The following CTNNA2 variants were observed in gnomAD, a reference collection of about 807,000 sequenced individuals.
CTNNA2 encodes catenin alpha-2.
A neutral mutation model predicts 101.0 loss-of-function variants in CTNNA2; 42 were observed. That is an observed-to-expected ratio of 0.42 (90% CI 0.32 to 0.54). The LOEUF (loss-of-function observed/expected upper bound fraction) is 0.54, where lower values mean the gene tolerates loss of function less well. CTNNA2 is among the 20% of genes least tolerant of loss of function. The probability of loss-of-function intolerance (pLI) is 0.14; values close to 1 mark genes in which losing one functional copy is unlikely to be tolerated. For missense variants in CTNNA2, 871 were observed against 1,223.1 expected (o/e 0.71, Z 4.29); for synonymous variants, 450 against 456.4 (o/e 0.99, Z 0.18).
chr2:79,281,304 T>A (rs985306774), intron 2 of CTNNA2, among the ~76,000 whole-genome samples: 1 of 152,150 alleles, frequency 6.6e-6, no homozygotes, highest in Non-Finnish European at 1.5e-5. Flanking sequence ...CTGGTCCCCA[T>A]GGTGGTGATC....
At chr2:79,309,568 T>C (rs1676320311) in intron 2 of CTNNA2, among the ~76,000 whole-genome samples, 1 of 152,134 alleles carries the variant, frequency 6.6e-6, no homozygotes, top group Non-Finnish European at 1.5e-5. Flanking sequence ...GAAAGAACAA[T>C]AGAAAAATAA....
At chr2:80,218,236 G>C (rs1036410905) in intron 7 of CTNNA2, among the ~76,000 whole-genome samples, 1 of 152,224 alleles carries the variant, frequency 6.6e-6, no homozygotes, top group Admixed American at 6.5e-5. Context: ...TTGGGCTTTG[G>C]AAGGCAAGAA....
At chr2:80,449,464 G>A (rs528644789) in intron 9 of CTNNA2, among the ~76,000 whole-genome samples, 1 of 152,112 alleles carries the variant, frequency 6.6e-6, no homozygotes, top group East Asian at 1.9e-4. Flanking sequence ...GTTGCCTCTG[G>A]CTTTCCTTGT....
chr2:79,830,279 T>A (rs1005452287), intron 3 of CTNNA2, among the ~76,000 whole-genome samples: 2 of 152,092 alleles, frequency 1.3e-5, no homozygotes, highest in African/African-American at 4.8e-5. Flanking sequence ...ACTTTGGACT[T>A]CAGAGAGACA....
At chr2:80,005,134 A>G (rs189191074) in intron 7 of CTNNA2, among the ~76,000 whole-genome samples, 31 of 152,296 alleles carry the variant, frequency 2.0e-4, no homozygotes, top group African/African-American at 7.5e-4. Flanking sequence ...AAAGACTGAG[A>G]AGTGCTGGAT....
chr2:79,250,071 A>G (rs1489144575), intron 2 of CTNNA2, among the ~76,000 whole-genome samples: 1 of 152,180 alleles, frequency 6.6e-6, no homozygotes, highest in Non-Finnish European at 1.5e-5. Flanking sequence ...CTGCACTGGT[A>G]TCAGCCTTGA....
chr2:80,056,702 G>A (rs1697235409), intron 7 of CTNNA2, among the ~76,000 whole-genome samples: 1 of 152,174 alleles, frequency 6.6e-6, no homozygotes, highest in Non-Finnish European at 1.5e-5. Context: ...AATTAGCCAA[G>A]TGTTTAAATG....
At chr2:80,278,032 G>T (rs749618349) in intron 7 of CTNNA2, among the ~76,000 whole-genome samples, 7 of 152,038 alleles carry the variant, frequency 4.6e-5, no homozygotes, top group Non-Finnish European at 7.4e-5. Flanking sequence ...AGTGTGTTTT[G>T]TGACATCAGA....
chr2:80,597,782 C>G (rs932148055), intron 15 of CTNNA2, among the ~76,000 whole-genome samples: 8 of 152,156 alleles, frequency 5.3e-5, no homozygotes, highest in African/African-American at 1.9e-4. Context: ...CCATCTCATG[C>G]CAGTCAGAAT....
At chr2:79,537,336 C>T (rs1197744775) in intron 1 of CTNNA2, among the ~76,000 whole-genome samples, 33 of 152,198 alleles carry the variant, frequency 2.2e-4, no homozygotes, top group Non-Finnish European at 2.9e-5. Context: ...CATTTCTTGT[C>T]TCAGAATGCT....
intron 7 of CTNNA2, among the ~76,000 whole-genome samples, chr2:80,322,289 GT>G (rs1192222546): frequency 9.2e-5 from 14 of 152,248 alleles, no homozygotes; most frequent in African/African-American, 3.1e-4. Flanking sequence ...GTAATACAGT[GT>G]CTTCCCTAAG....
intron 4 of CTNNA2, among the ~76,000 whole-genome samples, chr2:79,443,185 G>A (rs1460713405): frequency 6.6e-6 from 1 of 152,058 alleles, no homozygotes. Flanking sequence ...AAATTATGGA[G>A]GCTGAAAAGT....
At chr2:79,298,314 T>A (rs1676030223) in intron 2 of CTNNA2, among the ~76,000 whole-genome samples, 1 of 152,128 alleles carries the variant, frequency 6.6e-6, no homozygotes, top group Non-Finnish European at 1.5e-5. Context: ...GAGAAAGAGT[T>A]CATTTATTAC....
intron 2 of CTNNA2, among the ~76,000 whole-genome samples, chr2:79,304,642 T>C (rs1676190633): frequency 6.6e-6 from 1 of 152,180 alleles, no homozygotes; most frequent in African/African-American, 2.4e-5. Flanking sequence ...TCTGTTAAAA[T>C]ACATGGCACT....
chr2:80,233,309 A>G (rs909611502), intron 7 of CTNNA2, among the ~76,000 whole-genome samples: 1 of 152,122 alleles, frequency 6.6e-6, no homozygotes, highest in African/African-American at 2.4e-5. Flanking sequence ...GTGAGAAGCA[A>G]TCCCACCGAA....
chr2:79,902,417 A>T (rs920964002), intron 6 of CTNNA2, among the ~76,000 whole-genome samples: 1 of 152,096 alleles, frequency 6.6e-6, no homozygotes, highest in African/African-American at 2.4e-5. Flanking sequence ...GTTATTGGAT[A>T]TTAGGTCTTC....
At chr2:80,402,551 G>A (rs1678650729) in intron 8 of CTNNA2, among the ~76,000 whole-genome samples, 1 of 151,972 alleles carries the variant, frequency 6.6e-6, no homozygotes, top group Non-Finnish European at 1.5e-5. Context: ...AGTGGCTTTA[G>A]AAGCTGTTTC....
intron 7 of CTNNA2, among the ~76,000 whole-genome samples, chr2:79,920,912 T>C (rs1484830898): frequency 2.0e-5 from 3 of 152,184 alleles, no homozygotes; most frequent in African/African-American, 7.2e-5. Flanking sequence ...GTGACCTGTT[T>C]CGGCATGAGC....
chr2:80,158,023 T>C (rs17018721), intron 7 of CTNNA2, among the ~76,000 whole-genome samples: 21,330 of 152,230 alleles, frequency 0.14, 3,755 homozygotes, highest in African/African-American at 0.42. Flanking sequence ...CATGAGATTT[T>C]GAATATGAAA....
Sources: gnomAD v4.1 joint callset for allele counts (sites outside exome capture counted in the v4.1 genomes callset) on GRCh38, gnomAD v4.1.1 for gene constraint, MANE v1.5 for transcripts, NCBI Gene and HGNC (gene_info 2026-07-23, HGNC 2026-07-21) for gene names.